Variants in MTNAP1 observed in about 807,000 individuals in gnomAD.
The protein encoded by MTNAP1 is mitochondrial nucleoid-associated protein 1.
the MTNAP1 span, chr17:73,236,988 C>T: frequency 6.4e-7 from 1 of 1,561,452 alleles, no homozygotes. Flanking sequence ...GGGAAAGACT[C>T]TCACAAGGTA....
the MTNAP1 span, chr17:73,248,852 TTAAAAA>T: frequency 2.1e-3 from 638 of 305,444 alleles, 4 homozygotes; most frequent in African/African-American, 0.012. Context: ...ATTTTAGCTG[TTAAAAA>T]TAAAATCATT....
chr17:73,246,875 C>A, the MTNAP1 span, among the ~76,000 whole-genome samples: 1 of 152,144 alleles, frequency 6.6e-6, no homozygotes, highest in East Asian at 1.9e-4. Flanking sequence ...GAGCTTTGTG[C>A]CCATTCTCTG....
chr17:73,237,297 G>A, the MTNAP1 span, among the ~76,000 whole-genome samples: 4 of 152,158 alleles, frequency 2.6e-5, no homozygotes, highest in Admixed American at 1.3e-4. Flanking sequence ...AATTAGCTGG[G>A]TGTGGTGGCG....
At chr17:73,238,937 T>TGTGTGTG in the MTNAP1 span, among the ~76,000 whole-genome samples, 2 of 103,940 alleles carry the variant, frequency 1.9e-5, no homozygotes, top group African/African-American at 7.1e-5. Context: ...GTGTGTGTGT[T>TGTGTGTG]TTGTTTTTTT....
chr17:73,236,551 A>G, the MTNAP1 span: 1 of 1,614,220 alleles, frequency 6.2e-7, no homozygotes, highest in Non-Finnish European at 8.5e-7. Context: ...AAGTTTGTTC[A>G]TTCCGAGGGA....
At chr17:73,245,232 G>T in the MTNAP1 span, 1 of 1,612,216 alleles carries the variant, frequency 6.2e-7, no homozygotes, top group Non-Finnish European at 8.5e-7. Flanking sequence ...ACAGCAAAGG[G>T]CGTACAGTGG....
the MTNAP1 span, chr17:73,248,018 T>G: frequency 6.6e-4 from 96 of 145,964 alleles, no homozygotes; most frequent in Middle Eastern, 3.4e-3. Context: ...AGAGCGTTGT[T>G]GAGGTAAACT....
At chr17:73,236,791 C>T in the MTNAP1 span, 52 of 1,614,022 alleles carry the variant, frequency 3.2e-5, no homozygotes, top group South Asian at 6.6e-5. Context: ...TTCAGCCCAG[C>T]GTCACACTCC....
At chr17:73,237,085 T>C in the MTNAP1 span, 1 of 1,271,546 alleles carries the variant, frequency 7.9e-7, no homozygotes, top group Non-Finnish European at 1.1e-6. Flanking sequence ...ACTAACATTT[T>C]CAGTCATTTA....
chr17:73,237,040 C>T, the MTNAP1 span: 1 of 1,478,054 alleles, frequency 6.8e-7, no homozygotes, highest in South Asian at 1.4e-5. Context: ...ATCCAAAATG[C>T]TCTCTCTGCC....
the MTNAP1 span, chr17:73,235,961 G>A: frequency 1.2e-6 from 2 of 1,614,214 alleles, no homozygotes; most frequent in South Asian, 2.2e-5. Context: ...CCTAAATCAG[G>A]AGAAAGTCGA....
At chr17:73,234,712 A>G in the MTNAP1 span, among the ~76,000 whole-genome samples, 1 of 150,930 alleles carries the variant, frequency 6.6e-6, no homozygotes, top group African/African-American at 2.4e-5. Context: ...ATAAGTGAAA[A>G]ACAGGACTGT....
chr17:73,248,599 T>C, the MTNAP1 span: 3 of 1,506,400 alleles, frequency 2.0e-6, no homozygotes. Flanking sequence ...CACCTTCCCA[T>C]CCATCCCGCA....
At chr17:73,236,974 C>G in the MTNAP1 span, 4 of 1,580,914 alleles carry the variant, frequency 2.5e-6, no homozygotes, top group Non-Finnish European at 2.6e-6. Context: ...TATCAGTCCC[C>G]AGGGGGAAAG....
chr17:73,234,707 T>C, the MTNAP1 span, among the ~76,000 whole-genome samples: 2 of 143,024 alleles, frequency 1.4e-5, no homozygotes, highest in Non-Finnish European at 3.1e-5. Flanking sequence ...AAAGTATAAG[T>C]GAAAAACAGG....
the MTNAP1 span, chr17:73,235,741 G>C: frequency 2.2e-5 from 36 of 1,614,050 alleles, no homozygotes; most frequent in Non-Finnish European, 3.4e-6. Flanking sequence ...GGACAAACCA[G>C]AACAGACAGT....
At chr17:73,243,077 A>ATTTTTTTGTT in the MTNAP1 span, 1 of 437,884 alleles carries the variant, frequency 2.3e-6, no homozygotes, top group Admixed American at 4.2e-5. Context: ...GATTCTCTGA[A>ATTTTTTTGTT]TTTTTTTTTT....
At chr17:73,241,242 C>T in the MTNAP1 span, among the ~76,000 whole-genome samples, 1 of 152,244 alleles carries the variant, frequency 6.6e-6, no homozygotes, top group African/African-American at 2.4e-5. Flanking sequence ...ACTGCAAGCT[C>T]CGCCTCCTGG....
At chr17:73,236,119 A>G in the MTNAP1 span, 3 of 1,614,104 alleles carry the variant, frequency 1.9e-6, no homozygotes, top group African/African-American at 4.0e-5. Flanking sequence ...TGATCCCCAA[A>G]GACAGGAACT....
Sources: gnomAD v4.1 joint callset for allele counts (sites outside exome capture counted in the v4.1 genomes callset) on GRCh38, gnomAD v4.1.1 for gene constraint, MANE v1.5 for transcripts, NCBI Gene and HGNC (gene_info 2026-07-23, HGNC 2026-07-21) for gene names.